The following BCAS3 variants were observed in gnomAD, a reference collection of about 807,000 sequenced individuals.
BCAS3 encodes BCAS3 microtubule associated cell migration factor.
BCAS3 carries 53 observed loss-of-function variants against 116.1 expected under a neutral mutation model. That is an observed-to-expected ratio of 0.46 (90% CI 0.37 to 0.57). The LOEUF (loss-of-function observed/expected upper bound fraction) is 0.57. BCAS3 is among the 20% of genes least tolerant of loss of function. The pLI is 0.00. For synonymous variants in BCAS3, 391 were observed against 408.2 expected (o/e 0.96, Z 0.51); for missense variants, 917 against 1,165.4 (o/e 0.79, Z 3.10).
chr17:61,015,776 T>C lies in BCAS3; in HGVS notation c.1512T>C (p.Tyr504=). The change falls in exon 16 of 24, where the codon TAT becomes TAC. Residue 504 remains tyrosine, a synonymous_variant. Coordinates refer to ENST00000407086, the MANE Select transcript of BCAS3 (RefSeq NM_017679.5). Reference sequence around the variant, plus strand: ...GGAAACTGAACAGCCAAGACTCCTATAACAATTTTACCAACAACAACCCTG... The same window carrying C: ...GGAAACTGAACAGCCAAGACTCCTACAACAATTTTACCAACAACAACCCTG... ...LHGKLNSQDS[Y]NNFTNNNPGN... 6.2e-7 allele frequency: 1 copy of C among 1,614,004 alleles called. No individual in the cohort carries two copies. Among genetic ancestry groups the C allele is most frequent in the South Asian group, 1.1e-5 (1 of 91,064 alleles).
intron 13 of BCAS3, among the ~76,000 whole-genome samples, chr17:60,935,547 C>T (rs1340678018): frequency 6.6e-6 from 1 of 152,050 alleles, no homozygotes; most frequent in Non-Finnish European, 1.5e-5. Context: ...GTAACATAGT[C>T]ACAGAGTCAT....
chr17:60,784,945 AAGTT>A (rs1436180517), intron 6 of BCAS3, among the ~76,000 whole-genome samples: 2 of 151,708 alleles, frequency 1.3e-5, no homozygotes, highest in Non-Finnish European at 2.9e-5. Context: ...AAAATACAAA[AAGTT>A]AGCTGGGCGT....
chr17:60,759,009 C>T (rs2043255189), intron 6 of BCAS3, among the ~76,000 whole-genome samples: 1 of 149,142 alleles, frequency 6.7e-6, no homozygotes, highest in Non-Finnish European at 1.5e-5. Flanking sequence ...GACACAGTCT[C>T]CCTCTTTTGC....
intron 4 of BCAS3, among the ~76,000 whole-genome samples, chr17:60,699,800 T>C (rs1457035795): frequency 2.0e-5 from 3 of 151,008 alleles, no homozygotes; most frequent in Admixed American, 1.3e-4. Flanking sequence ...GAGGTAGGGA[T>C]TGCAGTGAGC....
intron 4 of BCAS3, among the ~76,000 whole-genome samples, chr17:60,708,274 A>G (rs528020997): frequency 6.7e-6 from 1 of 149,966 alleles, no homozygotes; most frequent in African/African-American, 2.4e-5. Context: ...GCAGTGAGCT[A>G]TGATGGCACC....
At chr17:60,874,263 GGTCTTCCTTT>G (rs1243102634) in intron 8 of BCAS3, among the ~76,000 whole-genome samples, 2 of 151,518 alleles carry the variant, frequency 1.3e-5, no homozygotes, top group Non-Finnish European at 2.9e-5. Flanking sequence ...ATAGAGACAG[GGTCTTCCTTT>G]GTTGCCCAGG....
At position 61,203,350 on chromosome 17, in the gene BCAS3, G is replaced by A. The variant is rs2080949032; in HGVS notation, c.2425+118786G>A. ...TTTTTGTATTATTAGTAGAAACAGGGTTTCGCCATGTTGGTCAGGCTGGTT... is the reference window on the plus strand; with the variant it reads ...TTTTTGTATTATTAGTAGAAACAGGATTTCGCCATGTTGGTCAGGCTGGTT... On this transcript the variant is annotated intron_variant, in intron 22 of 23. Transcript: ENST00000407086. The surrounding 1 kb of genome is among the most constrained non-coding windows in gnomAD (Gnocchi z 5.7). Among the ~76,000 whole-genome samples, 2 of 152,090 alleles carry A rather than the reference G, an allele frequency of 1.3e-5. No individual in the cohort carries two copies. The highest frequency in any genetic ancestry group is 4.1e-4 in the South Asian group (2 of 4,830).
chr17:61,129,697 G>C (rs148663314), intron 22 of BCAS3, among the ~76,000 whole-genome samples: 1,629 of 152,334 alleles, frequency 0.011, 18 homozygotes, highest in Non-Finnish European at 0.016. Context: ...AGAGCATCCT[G>C]TTTAGGGAGG....
intron 6 of BCAS3, among the ~76,000 whole-genome samples, chr17:60,757,328 T>TA (rs200544821): frequency 4.9e-3 from 93 of 19,072 alleles, no homozygotes; most frequent in Middle Eastern, 0.12. Context: ...AAAATAATAA[T>TA]AATAAATAAA....
intron 7 of BCAS3, among the ~76,000 whole-genome samples, chr17:60,849,930 T>C (rs948687170): frequency 3.9e-5 from 6 of 152,136 alleles, no homozygotes; most frequent in Non-Finnish European, 5.9e-5. Context: ...CGCTGATTTT[T>C]TATTTTTTGT....
In BCAS3 at chr17:61,098,846, C is replaced by T. The variant is rs2074135036; in HGVS notation, c.2425+14282C>T. Among the ~76,000 whole-genome samples the T allele has an allele frequency of 6.6e-6, 1 of 152,082 alleles. No individual in the cohort carries two copies. Among genetic ancestry groups the T allele is most frequent in the Admixed American group, 6.6e-5 (1 of 15,252 alleles). On this transcript the variant is annotated intron_variant, in intron 22 of 23. Coordinates refer to ENST00000407086, the MANE Select transcript of BCAS3 (RefSeq NM_017679.5). This position sits in a 1 kb window ranked among gnomAD's most constrained non-coding sequence, Gnocchi z 4.2. ...TTGGCTTAAGATACCCCTGGATGGG[C>T]TGGGTGTGGTGGCTCACACCTGTAA...
intron 19 of BCAS3, among the ~76,000 whole-genome samples, chr17:61,072,170 T>G (rs1469568175): frequency 1.3e-5 from 2 of 152,192 alleles, no homozygotes; most frequent in Non-Finnish European, 2.9e-5. Context: ...GAATCTTTAT[T>G]ACTTCCTTTG....
At chr17:61,033,815 G>A (rs975400381) in intron 16 of BCAS3, among the ~76,000 whole-genome samples, 18 of 152,166 alleles carry the variant, frequency 1.2e-4, no homozygotes, top group African/African-American at 4.3e-4. Context: ...ATACGGGATT[G>A]AAAAGGTGTG....
chr17:60,892,643 C>T lies in BCAS3; in HGVS notation c.738+2872C>T, dbSNP rs575609848. Among the ~76,000 whole-genome samples, 17 of 151,250 alleles carry T rather than the reference C, an allele frequency of 1.1e-4. No homozygotes were observed. In the East Asian group the frequency reaches 1.6e-3, roughly 14 times the overall value. On this transcript the variant is annotated intron_variant, in intron 10 of 23. Coordinates refer to ENST00000407086, the MANE Select transcript of BCAS3 (RefSeq NM_017679.5). ...TTTTTAAGAATAGCCGTTTTCGGCC[C>T]GGCATGGTGGCTCATGCCTATAATC...
chr17:60,707,564 T>C, intron 4 of BCAS3, among the ~76,000 whole-genome samples: 1 of 152,212 alleles, frequency 6.6e-6, no homozygotes. Flanking sequence ...AGTACAGTGT[T>C]GAATATAAGT....
In BCAS3 at chr17:61,220,288, C is replaced by A. The variant is rs1393630154; in HGVS notation, c.2425+135724C>A. ...CAGCCTGGGCAACAGAGTGAGACTC[C>A]ATCTCAAAAAACAAACAAAAAACAA... On this transcript the variant is annotated intron_variant, in intron 22 of 23. Transcript: ENST00000407086. The surrounding 1 kb of genome is among the most constrained non-coding windows in gnomAD (Gnocchi z 4.5). Among the ~76,000 whole-genome samples, 1 of 71,932 alleles carries A rather than the reference C, an allele frequency of 1.4e-5. No individual in the cohort carries two copies. Among genetic ancestry groups the A allele is most frequent in the Non-Finnish European group, 2.7e-5 (1 of 36,578 alleles). The allele number at this position is 71,932 out of a possible 152,430, so 47.2% of individuals were successfully genotyped here.
At position 61,126,236 on chromosome 17, in the gene BCAS3, G is replaced by A. The variant is rs1174633943; in HGVS notation, c.2425+41672G>A. On this transcript the variant is annotated intron_variant, in intron 22 of 23. Coordinates refer to ENST00000407086, the MANE Select transcript of BCAS3 (RefSeq NM_017679.5). This position sits in a 1 kb window ranked among gnomAD's most constrained non-coding sequence, Gnocchi z 4.6. ...GCAGTTTAATTCATTAGAATTGTGTGTGCGTTGTGGCATGTGGGTACATCA... is the reference window on the plus strand; with the variant it reads ...GCAGTTTAATTCATTAGAATTGTGTATGCGTTGTGGCATGTGGGTACATCA... Among the ~76,000 whole-genome samples, 1 of 152,112 alleles carries A rather than the reference G, an allele frequency of 6.6e-6. No individual in the cohort carries two copies. The highest frequency in any genetic ancestry group is 1.5e-5 in the Non-Finnish European group (1 of 68,004).
rs2144570526 is a variant in BCAS3 at position 61,256,719 on chromosome 17, T to C, written c.2426-111608T>C. Among the ~76,000 whole-genome samples the C allele has an allele frequency of 6.6e-6, 1 of 152,288 alleles. No homozygotes were observed. Among genetic ancestry groups the C allele is most frequent in the East Asian group, 1.9e-4 (1 of 5,184 alleles). On this transcript the variant is annotated intron_variant, in intron 22 of 23. Coordinates refer to ENST00000407086, the MANE Select transcript of BCAS3 (RefSeq NM_017679.5). This position sits in a 1 kb window ranked among gnomAD's most constrained non-coding sequence, Gnocchi z 5.6. The stretch of plus-strand genomic sequence containing the variant: ...CACCAGAGAGCCTTGGATACAGAGA[T>C]AAACTGGAGACAGAGTAACACAAAA...
At chr17:60,730,478 AT>A (rs1486885262) in intron 5 of BCAS3, among the ~76,000 whole-genome samples, 1 of 151,708 alleles carries the variant, frequency 6.6e-6, no homozygotes, top group African/African-American at 2.4e-5. Flanking sequence ...TATGGCTTGC[AT>A]TTTTTTTCTT....
Sources: allele counts gnomAD v4.1 joint callset (sites outside exome capture counted in the v4.1 genomes callset), GRCh38; gene constraint gnomAD v4.1.1; non-coding constraint Gnocchi (gnomAD v3.1); transcripts MANE v1.5; gene names NCBI Gene and HGNC (gene_info 2026-07-23, HGNC 2026-07-21).